CUX2: variants seen among roughly 807,000 people sequenced by gnomAD.
CUX2 encodes homeobox protein cut-like 2.
A neutral mutation model predicts 144.8 loss-of-function variants in CUX2; 40 were observed. That is an observed-to-expected ratio of 0.28 (90% CI 0.21 to 0.36). The LOEUF (loss-of-function observed/expected upper bound fraction) is 0.36. Among genes scored for constraint, CUX2 ranks in the 10% least tolerant of loss-of-function variants. CUX2 has a pLI of 1.00. For missense variants in CUX2, 1,615 were observed against 1,994.0 expected (o/e 0.81, Z 3.62); for synonymous variants, 827 against 875.6 (o/e 0.94, Z 0.98).
intron 1 of CUX2, among the ~76,000 whole-genome samples, chr12:111,112,914 C>T (rs1238691875): frequency 1.3e-5 from 2 of 152,216 alleles, no homozygotes; most frequent in African/African-American, 4.8e-5. Flanking sequence ...CTGGGTTCAG[C>T]GTCTCTGCAG....
At chr12:111,115,204 C>T (rs913402156) in intron 1 of CUX2, among the ~76,000 whole-genome samples, 2 of 144,240 alleles carry the variant, frequency 1.4e-5, no homozygotes, top group African/African-American at 5.1e-5. Flanking sequence ...CTACAAGAAA[C>T]AAACAAGCAA....
At position 111,187,688 on chromosome 12, in the gene CUX2, A is replaced by G. The variant is rs529063728; in HGVS notation, c.64-26512A>G. On this transcript the variant is annotated intron_variant, in intron 1 of 21. Coordinates refer to ENST00000261726, the MANE Select transcript of CUX2 (RefSeq NM_015267.4). ...GGCTGGGTCTCCTGAGGTGCCACTC[A>G]GTCTCCTGAGTGGCATCTGTCCATG... 2.0e-5 allele frequency among the ~76,000 whole-genome samples: 3 copies of G among 152,238 alleles called. No individual in the cohort carries two copies. In the East Asian group the frequency reaches 5.8e-4, roughly 29 times the overall value.
At chr12:111,193,064 A>T (rs1163065933) in intron 1 of CUX2, among the ~76,000 whole-genome samples, 1 of 152,216 alleles carries the variant, frequency 6.6e-6, no homozygotes, top group Non-Finnish European at 1.5e-5. Flanking sequence ...GAATAAATGA[A>T]TGAGTTGGGT....
At chr12:111,073,930 T>C (rs1467646285) in intron 1 of CUX2, among the ~76,000 whole-genome samples, 1 of 151,886 alleles carries the variant, frequency 6.6e-6, no homozygotes, top group Non-Finnish European at 1.5e-5. Flanking sequence ...CACTCCAGCC[T>C]GGGGGACAGA....
chr12:111,192,347 C>T (rs1483743650), intron 1 of CUX2, among the ~76,000 whole-genome samples: 1 of 152,032 alleles, frequency 6.6e-6, no homozygotes, highest in Admixed American at 6.6e-5. Context: ...CCAGGCTGGT[C>T]TCGAACTCCT....
chr12:111,085,385 C>A (rs535977796), intron 1 of CUX2, among the ~76,000 whole-genome samples: 2 of 152,110 alleles, frequency 1.3e-5, no homozygotes, highest in Non-Finnish European at 2.9e-5. Flanking sequence ...GCAGGTCATG[C>A]GGAGATCTGG....
In CUX2 at chr12:111,310,594, G is replaced by A. The variant is rs541400894; in HGVS notation, c.1812G>A (p.Lys604=). The change falls in exon 15 of 22, where the codon AAG becomes AAA. Residue 604 remains lysine, a synonymous_variant. Transcript: ENST00000261726. The surrounding 1 kb of genome is among the most constrained non-coding windows in gnomAD (Gnocchi z 7.9). Reference sequence around the variant, plus strand: ...AGCCCTGGCGCAAGCTCACGGTGAAGGGCAAGGAGCCCTTCATCAAGATGA... The same window carrying A: ...AGCCCTGGCGCAAGCTCACGGTGAAAGGCAAGGAGCCCTTCATCAAGATGA... ...RPKPWRKLTV[K]GKEPFIKMKQ... is the part of the protein sequence containing the mutation. The A allele has an allele frequency of 1.2e-6, 2 of 1,613,718 alleles. No individual in the cohort carries two copies. The highest frequency in any genetic ancestry group is 1.3e-5 in the African/African-American group (1 of 75,064).
rs1873552968 is a variant in CUX2 at position 111,105,577 on chromosome 12, T to C, written c.63+71337T>C. Among the ~76,000 whole-genome samples the C allele has an allele frequency of 2.6e-5, 4 of 152,066 alleles. No individual in the cohort carries two copies. In the South Asian group the frequency reaches 8.3e-4, roughly 32 times the overall value. On this transcript the variant is annotated intron_variant, in intron 1 of 21. Coordinates refer to ENST00000261726, the MANE Select transcript of CUX2 (RefSeq NM_015267.4). ...CCTATACTGCACACCCCCAGGGAGA[T>C]GGGGAATGTAGATTGCTTCCTCTCC... is the stretch of plus-strand genomic sequence containing the variant.
Position 111,160,228 on chromosome 12 carries a change from T to C in CUX2, c.64-53972T>C, listed in dbSNP as rs1713390095. On this transcript the variant is annotated intron_variant, in intron 1 of 21. Transcript: ENST00000261726. This position sits in a 1 kb window ranked among gnomAD's most constrained non-coding sequence, Gnocchi z 4.1. The stretch of plus-strand genomic sequence containing the variant: ...ATGTCAACAAGTTGTGATAGAAGAA[T>C]TACAAATTGTGATTCTGCAAAGAAA... Among the ~76,000 whole-genome samples the C allele has an allele frequency of 6.6e-6, 1 of 152,104 alleles. No homozygotes were observed.
chr12:111,190,442 G>T lies in CUX2; in HGVS notation c.64-23758G>T, dbSNP rs114227302. On this transcript the variant is annotated intron_variant, in intron 1 of 21. Transcript: ENST00000261726. This position sits in a 1 kb window ranked among gnomAD's most constrained non-coding sequence, Gnocchi z 4.0. ...CACTCTTGTTCCTGACCTTTCTCAG[G>T]GAGACATCTCCCCAAATTCATGAAC... 2.0e-3 allele frequency among the ~76,000 whole-genome samples: 302 copies of T among 152,132 alleles called. 5 individuals carry two copies. Among genetic ancestry groups the T allele is most frequent in the African/African-American group, 7.2e-3 (298 of 41,492 alleles).
intron 4 of CUX2, among the ~76,000 whole-genome samples, chr12:111,272,624 C>T (rs1884687673): frequency 6.6e-6 from 1 of 152,098 alleles, no homozygotes; most frequent in African/African-American, 2.4e-5. Context: ...GCCACTACAC[C>T]CAGCTAATTT....
intron 3 of CUX2, among the ~76,000 whole-genome samples, chr12:111,258,608 A>C (rs80157466): frequency 6.6e-6 from 1 of 151,960 alleles, no homozygotes; most frequent in African/African-American, 2.4e-5. Flanking sequence ...CAGGAAATCT[A>C]CACGGCTCCT....
chr12:111,105,400 G>T (rs1296989046), intron 1 of CUX2, among the ~76,000 whole-genome samples: 1 of 152,250 alleles, frequency 6.6e-6, no homozygotes, highest in Non-Finnish European at 1.5e-5. Context: ...CCTCCTCCCA[G>T]GAAGGGGCTG....
In CUX2 at chr12:111,349,541, A is replaced by C. The variant is rs548713941; in HGVS notation, c.*1216A>C. 7 of 152,216 alleles carry C rather than the reference A, an allele frequency of 4.6e-5. No homozygotes were observed. The highest frequency in any genetic ancestry group is 2.6e-4 in the Admixed American group (4 of 15,274). 9.4% of individuals were successfully genotyped at this position (152,216 alleles called of 1,614,324 possible). A position where few individuals can be genotyped will look rare whatever the true frequency, so the allele number is the denominator to read the frequency against. On this transcript the variant is annotated 3_prime_UTR_variant, in exon 22 of 22. Coordinates refer to ENST00000261726, the MANE Select transcript of CUX2 (RefSeq NM_015267.4). ...CATCTGCAACTCCAAGTCCATGCAG[A>C]ACTCTGGAAGGCCAAGTTCATCGCA...
At chr12:111,201,479 CCCT>C in intron 1 of CUX2, among the ~76,000 whole-genome samples, 1 of 152,308 alleles carries the variant, frequency 6.6e-6, no homozygotes, top group Non-Finnish European at 1.5e-5. Flanking sequence ...GCCCACAGCT[CCCT>C]CCTCCTCTAG....
At position 111,310,160 on chromosome 12, in the gene CUX2, G is replaced by C; in HGVS notation, c.1378G>C (p.Gly460Arg). The change falls in exon 15 of 22, where the codon GGG (glycine) becomes CGG (arginine). Residue 460 changes from glycine (G) to arginine (R), a missense_variant. By Grantham distance (125) the Gly-to-Arg change is moderately radical. This residue lies in a region of CUX2 where 154 missense variants were observed against 148.4 expected (regional missense o/e 1.04). Transcript: ENST00000261726. The surrounding 1 kb of genome is among the most constrained non-coding windows in gnomAD (Gnocchi z 7.9). ...AGAAGACCCCCTGTCTCCCAGCCCC[G>C]GGCAGCCCCTGCTGGGCCCCAGCTT... ...GPEDPLSPSP[G>R]QPLLGPSLGP... The C allele has an allele frequency of 1.3e-6, 2 of 1,551,102 alleles. No homozygotes were observed. The highest frequency in any genetic ancestry group is 2.4e-5 in the South Asian group (2 of 81,722).
intron 1 of CUX2, among the ~76,000 whole-genome samples, chr12:111,192,445 A>T (rs758599731): frequency 4.6e-5 from 7 of 151,572 alleles, no homozygotes; most frequent in Non-Finnish European, 7.4e-5. Flanking sequence ...AGGGGATTTG[A>T]ACCCAGCCCT....
intron 20 of CUX2, among the ~76,000 whole-genome samples, chr12:111,341,470 A>C (rs12302645): frequency 0.018 from 2,723 of 152,274 alleles, 80 homozygotes; most frequent in African/African-American, 0.061. Context: ...CTACAAAAAC[A>C]GAGAGAATAC....
Position 111,293,312 on chromosome 12 carries a change from C to G in CUX2, c.437-134C>G, listed in dbSNP as rs1005632885. On this transcript the variant is annotated intron_variant, in intron 5 of 21. Transcript: ENST00000261726. The surrounding 1 kb of genome is among the most constrained non-coding windows in gnomAD (Gnocchi z 4.5). ...AGGACATGCGGCCCGCAGGGCCCCA[C>G]AGCTGCGCTCTCTCCAAGGCCCAAG... 7.3e-7 allele frequency: 1 copy of G among 1,360,588 alleles called. No homozygotes were observed. Among genetic ancestry groups the G allele is most frequent in the African/African-American group, 1.5e-5 (1 of 67,814 alleles). The allele number at this position is 1,360,588 out of a possible 1,614,324, so 84.3% of individuals were successfully genotyped here.
Sources: allele counts gnomAD v4.1 joint callset (sites outside exome capture counted in the v4.1 genomes callset), GRCh38; gene constraint gnomAD v4.1.1; regional missense constraint gnomAD v4.1.1; non-coding constraint Gnocchi (gnomAD v3.1); transcripts MANE v1.5; gene names NCBI Gene and HGNC (gene_info 2026-07-23, HGNC 2026-07-21).